SUFU: variants seen among roughly 807,000 people sequenced by gnomAD.
SUFU encodes suppressor of fused homolog.
In SUFU, 7 loss-of-function variants were observed where a neutral mutation model predicts 58.9. The observed-to-expected ratio is 0.12, with a 90% CI of 0.07 to 0.22. SUFU has a LOEUF of 0.22. SUFU is among the 10% of genes least tolerant of loss of function. The pLI is 1.00. For missense variants in SUFU, 451 were observed against 641.3 expected (o/e 0.70, Z 3.20); for synonymous variants, 232 against 254.8 (o/e 0.91, Z 0.85).
Position 102,629,679 on chromosome 10 carries a change from G to A in SUFU, c.1366-387G>A, listed in dbSNP as rs1304509970. Among the ~76,000 whole-genome samples, 1 of 152,158 alleles carries A rather than the reference G, an allele frequency of 6.6e-6. No homozygotes were observed. Among genetic ancestry groups the A allele is most frequent in the African/African-American group, 2.4e-5 (1 of 41,446 alleles). On this transcript the variant is annotated intron_variant, in intron 11 of 11. Transcript: ENST00000369902. This position sits in a 1 kb window ranked among gnomAD's most constrained non-coding sequence, Gnocchi z 4.7. ...AGGCCATGGCAGTGACAGAGCTCAG[G>A]CCACTTCCCCATAGCCTCCAGACCC...
At position 102,617,543 on chromosome 10, in the gene SUFU, T is replaced by A; in HGVS notation, c.1296+115T>A. ...CCCTTCCTGGGGGGCTGGTCATGAATGCCTCATGGATTCAGGGCCTGGGGC... is the reference window on the plus strand; with the variant it reads ...CCCTTCCTGGGGGGCTGGTCATGAAAGCCTCATGGATTCAGGGCCTGGGGC... On this transcript the variant is annotated intron_variant, in intron 10 of 11. Transcript: ENST00000369902. This position sits in a 1 kb window ranked among gnomAD's most constrained non-coding sequence, Gnocchi z 4.4. The A allele has an allele frequency of 1.4e-6, 2 of 1,460,652 alleles. No individual in the cohort carries two copies. Among genetic ancestry groups the A allele is most frequent in the Non-Finnish European group, 1.9e-6 (2 of 1,046,462 alleles). The allele number at this position is 1,460,652 out of a possible 1,614,324, so 90.5% of individuals were successfully genotyped here. A position where few individuals can be genotyped will look rare whatever the true frequency, so the allele number is the denominator to read the frequency against.
Position 102,629,025 on chromosome 10 carries a change from G to A in SUFU, c.1366-1041G>A, listed in dbSNP as rs1282911528. On this transcript the variant is annotated intron_variant, in intron 11 of 11. Transcript: ENST00000369902. This position sits in a 1 kb window ranked among gnomAD's most constrained non-coding sequence, Gnocchi z 4.7. ...ACAATAATTAGCCGGGCTTGGTGGT[G>A]CATGCCTGTAATCTCAGCTACTCGG... is the stretch of plus-strand genomic sequence containing the variant. Among the ~76,000 whole-genome samples, 2 of 152,164 alleles carry A rather than the reference G, an allele frequency of 1.3e-5. No individual in the cohort carries two copies. Among genetic ancestry groups the A allele is most frequent in the Admixed American group, 6.5e-5 (1 of 15,280 alleles).
chr10:102,606,757 GAGAGGCATACTA>G (rs1380064440), intron 8 of SUFU, among the ~76,000 whole-genome samples: 1 of 152,114 alleles, frequency 6.6e-6, no homozygotes, highest in Non-Finnish European at 1.5e-5. Flanking sequence ...ATTTAGCTGA[GAGAGGCATACTA>G]AAAAAATAAA....
intron 3 of SUFU, among the ~76,000 whole-genome samples, chr10:102,575,445 C>G (rs768174720): frequency 3.3e-5 from 5 of 152,174 alleles, no homozygotes; most frequent in Non-Finnish European, 7.4e-5. Context: ...GGAGTCCCTG[C>G]AGAGTCCCAG....
chr10:102,564,615 G>C (rs529944582), intron 3 of SUFU, among the ~76,000 whole-genome samples: 38 of 152,334 alleles, frequency 2.5e-4, no homozygotes, highest in South Asian at 1.0e-3. Flanking sequence ...TTACAAGCAT[G>C]AGCCGTCGCA....
intron 8 of SUFU, among the ~76,000 whole-genome samples, chr10:102,607,186 C>T (rs1432313577): frequency 2.0e-5 from 3 of 151,632 alleles, no homozygotes; most frequent in Non-Finnish European, 4.4e-5. Flanking sequence ...GTATCTGGTA[C>T]CACAGGCACA....
intron 2 of SUFU, among the ~76,000 whole-genome samples, chr10:102,520,212 C>CTTTTTTT (rs36020604): frequency 8.8e-6 from 1 of 113,554 alleles, no homozygotes; most frequent in African/African-American, 3.3e-5. Context: ...TTTTTTCTTT[C>CTTTTTTT]TTTTTTTTTT....
In SUFU at chr10:102,617,720, G is replaced by A. The variant is rs1449926076; in HGVS notation, c.1296+292G>A. Reference sequence around the variant, plus strand: ...TGGTTCCCCGTGGAAATCCAGGTTGGAGGGATATAAGACTTTCTGCACCTT... The same window carrying A: ...TGGTTCCCCGTGGAAATCCAGGTTGAAGGGATATAAGACTTTCTGCACCTT... On this transcript the variant is annotated intron_variant, in intron 10 of 11. Transcript: ENST00000369902. The surrounding 1 kb of genome is among the most constrained non-coding windows in gnomAD (Gnocchi z 4.4). 1 of 596,672 alleles carries A rather than the reference G, an allele frequency of 1.7e-6. No homozygotes were observed. Among genetic ancestry groups the A allele is most frequent in the Non-Finnish European group, 3.0e-6 (1 of 333,584 alleles). 37.0% of individuals were successfully genotyped at this position (596,672 alleles called of 1,614,324 possible).
chr10:102,529,398 G>C (rs1161904800), intron 2 of SUFU, among the ~76,000 whole-genome samples: 1 of 152,202 alleles, frequency 6.6e-6, no homozygotes, highest in Non-Finnish European at 1.5e-5. Context: ...CCAGAGCCCA[G>C]AAGTTAGGGA....
At chr10:102,577,678 A>T (rs1269209192) in intron 3 of SUFU, among the ~76,000 whole-genome samples, 1 of 132,418 alleles carries the variant, frequency 7.6e-6, no homozygotes, top group Non-Finnish European at 1.6e-5. Flanking sequence ...TAGGACTACG[A>T]GTTGTTTTTT....
intron 8 of SUFU, among the ~76,000 whole-genome samples, chr10:102,608,496 C>T (rs2063586087): frequency 6.6e-6 from 1 of 152,210 alleles, no homozygotes; most frequent in Admixed American, 6.5e-5. Flanking sequence ...TCCCCAGCCT[C>T]AGGCTGAGAG....
At chr10:102,615,143 C>G in intron 8 of SUFU, 125 bp from the exon 9 acceptor site, 1 of 1,385,922 alleles carries the variant, frequency 7.2e-7, no homozygotes, top group Non-Finnish European at 1.0e-6. Flanking sequence ...TGATGGCTGT[C>G]ACCATCATTA....
chr10:102,521,529 A>G (rs546528730), intron 2 of SUFU, among the ~76,000 whole-genome samples: 56 of 152,250 alleles, frequency 3.7e-4, no homozygotes, highest in Admixed American at 3.2e-3. Flanking sequence ...ATATTCTCCA[A>G]TGATGGTGTC....
rs1024675941 is a variant in SUFU at position 102,629,950 on chromosome 10, C to T, written c.1366-116C>T. On this transcript the variant is annotated intron_variant, in intron 11 of 11. Transcript: ENST00000369902. The surrounding 1 kb of genome is among the most constrained non-coding windows in gnomAD (Gnocchi z 4.7). ...AGCATTTGAGAATGAAGCCACGCCT[C>T]CCGCGGCCTGTCCTATCCCTAGCTC... The T allele has an allele frequency of 1.0e-6, 1 of 957,040 alleles. No homozygotes were observed. The highest frequency in any genetic ancestry group is 1.3e-5 in the South Asian group (1 of 77,654). 59.3% of individuals were successfully genotyped at this position (957,040 alleles called of 1,614,324 possible).
rs2063804762 is a variant in SUFU, at chr10:102,628,246, T to C, written c.1365+1003T>C. Among the ~76,000 whole-genome samples, 1 of 152,088 alleles carries C rather than the reference T, an allele frequency of 6.6e-6. No homozygotes were observed. The highest frequency in any genetic ancestry group is 2.4e-5 in the African/African-American group (1 of 41,402). ...AGCCAGGACACAGGCCTCTGGTGTT[T>C]AGGAAGCTGAGGGGAGTGCACAGGG... On this transcript the variant is annotated intron_variant, in intron 11 of 11. Transcript: ENST00000369902. The surrounding 1 kb of genome is among the most constrained non-coding windows in gnomAD (Gnocchi z 4.5).
chr10:102,546,934 C>G (rs570486136), intron 2 of SUFU, among the ~76,000 whole-genome samples: 2 of 152,356 alleles, frequency 1.3e-5, no homozygotes, highest in Admixed American at 1.3e-4. Context: ...TGCGTGTGCA[C>G]GCATGCACAC....
At chr10:102,529,185 C>T (rs1480504152) in intron 2 of SUFU, among the ~76,000 whole-genome samples, 1 of 152,012 alleles carries the variant, frequency 6.6e-6, no homozygotes, top group African/African-American at 2.4e-5. Flanking sequence ...AATAAAGTAT[C>T]AGTAATTTTG....
In SUFU at chr10:102,628,234, GC is replaced by G. The variant is rs1346138154; in HGVS notation, c.1365+993del. 6.6e-6 allele frequency among the ~76,000 whole-genome samples: 1 copy of G among 152,192 alleles called. No homozygotes were observed. The highest frequency in any genetic ancestry group is 1.5e-5 in the Non-Finnish European group (1 of 68,020). On this transcript the variant is annotated intron_variant, in intron 11 of 11. Transcript: ENST00000369902. The surrounding 1 kb of genome is among the most constrained non-coding windows in gnomAD (Gnocchi z 4.5). ...CTGGGCTGCAACAGCCAGGACACAG[GC>G]CTCTGGTGTTTAGGAAGCTGAGGGG... is the stretch of plus-strand genomic sequence containing the variant.
chr10:102,504,448 CAGA>C, intron 1 of SUFU, 114 bp downstream of exon 1: 1 of 1,530,446 alleles, frequency 6.5e-7, no homozygotes, highest in African/African-American at 1.4e-5. Flanking sequence ...TTAAAGCACT[CAGA>C]AGGAGGGCTT....
Sources: allele counts gnomAD v4.1 joint callset (sites outside exome capture counted in the v4.1 genomes callset), GRCh38; gene constraint gnomAD v4.1.1; non-coding constraint Gnocchi (gnomAD v3.1); transcripts MANE v1.5; gene names NCBI Gene and HGNC (gene_info 2026-07-23, HGNC 2026-07-21).